HDGFL2: variants seen among roughly 807,000 people sequenced by gnomAD.
HDGFL2 encodes HDGF like 2.
In HDGFL2, 36 loss-of-function variants were observed where a neutral mutation model predicts 77.1. The ratio of observed to expected loss-of-function variants is 0.47; its 90% CI spans 0.36 to 0.62. The LOEUF is 0.62. Ranked by LOEUF, HDGFL2 falls within the 20% of genes least tolerant of loss-of-function variation. The pLI is 0.00. For synonymous variants in HDGFL2, 463 were observed against 413.1 expected (o/e 1.12, Z -1.46); for missense variants, 976 against 973.4 (o/e 1.00, Z -0.04).
Position 4,498,140 on chromosome 19 carries a change from C to T in HDGFL2, c.1402+109C>T, listed in dbSNP as rs1426266975. 5.7e-6 allele frequency: 7 copies of T among 1,236,536 alleles called. No homozygotes were observed. The African/African-American group carries it at 9.0e-5, about 16-fold the overall frequency. 76.6% of individuals were successfully genotyped at this position (1,236,536 alleles called of 1,614,324 possible). ...CTGTCCCTAGAGAGGGTGCTCAGCA[C>T]ATCCTCGGCCGGCCTGGCCGGCGGT... On this transcript the variant is annotated intron_variant, in intron 11 of 15. Transcript: ENST00000616600.
chr19:4,485,966 T>C lies in HDGFL2; in HGVS notation c.289-2710T>C, dbSNP rs566431370. Among the ~76,000 whole-genome samples the C allele has an allele frequency of 3.4e-4, 48 of 142,792 alleles. 2 individuals carry two copies. In the South Asian group the frequency reaches 0.01, roughly 30 times the overall value. The allele number at this position is 142,792 out of a possible 152,430, so 93.7% of individuals were successfully genotyped here. On this transcript the variant is annotated intron_variant, in intron 3 of 15. Transcript: ENST00000616600. The stretch of plus-strand genomic sequence containing the variant: ...TGCTCAGGAGGCTGAGGTGGGAGGA[T>C]CACCTGAGCCCAGGAAGTTGAGGCT...
intron 4 of HDGFL2, among the ~76,000 whole-genome samples, chr19:4,489,197 C>G (rs577838590): frequency 6.2e-4 from 94 of 151,674 alleles, no homozygotes; most frequent in Non-Finnish European, 1.0e-3. Flanking sequence ...AGGTGATCTG[C>G]CTGCCTCGGT....
chr19:4,488,615 C>G, intron 3 of HDGFL2, 61 bp from the exon 4 acceptor site: 2 of 1,450,956 alleles, frequency 1.4e-6, no homozygotes, highest in Non-Finnish European at 1.9e-6. Flanking sequence ...GGTCATAGTC[C>G]TGATGGGGAA....
rs1425884659 is a variant in HDGFL2 at position 4,472,305 on chromosome 19, C to T, written c.-46C>T. ...GCCGCCGCCGCCGCCGCAGCCGCTA[C>T]CGCCGCTGCAGCCGCTTTCCGCGGC... On this transcript the variant is annotated 5_prime_UTR_variant, in exon 1 of 16. Coordinates refer to ENST00000616600, the MANE Select transcript of HDGFL2 (RefSeq NM_001001520.3). 5.7e-6 allele frequency: 8 copies of T among 1,398,548 alleles called. No individual in the cohort carries two copies. The highest frequency in any genetic ancestry group is 6.6e-6 in the Non-Finnish European group (7 of 1,061,632). The allele number at this position is 1,398,548 out of a possible 1,614,324, so 86.6% of individuals were successfully genotyped here.
rs185444679 is a variant in HDGFL2, at chr19:4,487,034, C to T, written c.289-1642C>T. 1.8e-3 allele frequency among the ~76,000 whole-genome samples: 273 copies of T among 150,374 alleles called. 1 individual carries two copies. Among genetic ancestry groups the T allele is most frequent in the African/African-American group, 5.5e-3 (224 of 40,858 alleles). On this transcript the variant is annotated intron_variant, in intron 3 of 15. Coordinates refer to ENST00000616600, the MANE Select transcript of HDGFL2 (RefSeq NM_001001520.3). ...AGGCAGGAGTGCAGTGGTGTGATCTCGGCTCACTGCAACCTCTGCTTCCTG... is the reference window on the plus strand; with the variant it reads ...AGGCAGGAGTGCAGTGGTGTGATCTTGGCTCACTGCAACCTCTGCTTCCTG...
At chr19:4,475,654 T>C (rs2145150442) in intron 3 of HDGFL2, 71 bp downstream of exon 3, 1 of 1,501,254 alleles carries the variant, frequency 6.7e-7, no homozygotes, top group East Asian at 2.3e-5. Context: ...AGTTAGGGTC[T>C]CTCCCCTGGG....
rs376734839 is a variant in HDGFL2 at position 4,498,307 on chromosome 19, G to A, written c.1404G>A (p.Glu468=). Residue 468 remains glutamate (E), a splice_region_variant and synonymous_variant, in exon 12 of 16, where the codon GAG becomes GAA. Coordinates refer to ENST00000616600, the MANE Select transcript of HDGFL2 (RefSeq NM_001001520.3). ...SMDRKVEKKK[E]PSVEEKLQKL... ...ACGGTGCTCTCTCTCCTGGCCCAGAGCCCTCCGTGGAGGAGAAGCTGCAGA... is the reference window on the plus strand; with the variant it reads ...ACGGTGCTCTCTCTCCTGGCCCAGAACCCTCCGTGGAGGAGAAGCTGCAGA... 2.5e-6 allele frequency: 4 copies of A among 1,613,022 alleles called. No homozygotes were observed. Among genetic ancestry groups the A allele is most frequent in the African/African-American group, 1.3e-5 (1 of 74,946 alleles).
rs373693199 is a variant in HDGFL2 at position 4,494,004 on chromosome 19, G to A, written c.861G>A (p.Pro287=). 1.9e-6 allele frequency: 3 copies of A among 1,611,440 alleles called. No individual in the cohort carries two copies. The highest frequency in any genetic ancestry group is 2.5e-6 in the Non-Finnish European group (3 of 1,179,210). ...TAGCGGAGAAGCCTCTCCCGAAGCC[G>A]CGAGGGCGGAAACCGAAGCCTGAAC... is the stretch of plus-strand genomic sequence containing the variant. ...RKPAEKPLPK[P]RGRKPKPERP... Residue 287 remains proline (P), a synonymous_variant, in exon 8 of 16, where the codon CCG becomes CCA. Coordinates refer to ENST00000616600, the MANE Select transcript of HDGFL2 (RefSeq NM_001001520.3).
chr19:4,492,340 C>CTG (rs35666480), intron 6 of HDGFL2, among the ~76,000 whole-genome samples: 7 of 151,284 alleles, frequency 4.6e-5, no homozygotes, highest in African/African-American at 1.5e-4. Flanking sequence ...CATGTCGTGC[C>CTG]TGTGTGTGTG....
chr19:4,501,093 C>T (rs573706734), intron 14 of HDGFL2, 98 bp from the exon 15 acceptor site: 65 of 1,481,498 alleles, frequency 4.4e-5, no homozygotes, highest in African/African-American at 3.7e-4. Context: ...TCACCCACGG[C>T]GCTCAGCTTG....
At chr19:4,490,980 TTTG>T (rs1257537142) in intron 4 of HDGFL2, among the ~76,000 whole-genome samples, 40 of 152,130 alleles carry the variant, frequency 2.6e-4, no homozygotes, top group Non-Finnish European at 2.5e-4. Flanking sequence ...CCCAGCTAAT[TTTG>T]TTTTTCAGTA....
Position 4,496,328 on chromosome 19 carries a change from G to A in HDGFL2, c.1251G>A (p.Gln417=). ...CCAAGAAATCAGCGAAGAAGCCGCA[G>A]TCCTCAAGCACAGAGCCCGCCAGGA... The part of the protein sequence containing the change: ...REAKKSAKKP[Q]SSSTEPARKP... The change falls in exon 10 of 16, where the codon CAG becomes CAA. Residue 417 remains glutamine (Q), a synonymous_variant. Coordinates refer to ENST00000616600, the MANE Select transcript of HDGFL2 (RefSeq NM_001001520.3). 1 of 1,614,194 alleles carries A rather than the reference G, an allele frequency of 6.2e-7. No individual in the cohort carries two copies. Among genetic ancestry groups the A allele is most frequent in the Non-Finnish European group, 8.5e-7 (1 of 1,180,020 alleles).
chr19:4,488,539 C>G (rs1975419391), intron 3 of HDGFL2, 137 bp from the exon 4 acceptor site: 1 of 786,086 alleles, frequency 1.3e-6, no homozygotes, highest in Admixed American at 2.7e-5. Context: ...CTCGGTTTCC[C>G]CATTTGTAAA....
At chr19:4,483,073 T>C (rs914180389) in intron 3 of HDGFL2, among the ~76,000 whole-genome samples, 1 of 152,212 alleles carries the variant, frequency 6.6e-6, no homozygotes, top group Non-Finnish European at 1.5e-5. Context: ...AGAGGCGTGA[T>C]CGAGATTGGC....
intron 3 of HDGFL2, among the ~76,000 whole-genome samples, chr19:4,487,765 G>T (rs2145182844): frequency 6.6e-6 from 1 of 152,276 alleles, no homozygotes; most frequent in Middle Eastern, 3.4e-3. Context: ...CGTTGGCTCA[G>T]TGTGTGACCC....
At chr19:4,481,023 ATTTT>A (rs35117226) in intron 3 of HDGFL2, among the ~76,000 whole-genome samples, 2 of 132,608 alleles carry the variant, frequency 1.5e-5, no homozygotes. Context: ...AACCCGGCTA[ATTTT>A]TTTTTTTTTT....
At chr19:4,479,812 C>T (rs529767752) in intron 3 of HDGFL2, among the ~76,000 whole-genome samples, 2 of 138,604 alleles carry the variant, frequency 1.4e-5, no homozygotes, top group African/African-American at 5.4e-5. Flanking sequence ...AGGCTGAGGC[C>T]GGGGAATCTC....
Position 4,498,922 on chromosome 19 carries a change from CGGG to C in HDGFL2, c.1575+10_1575+12del, listed in dbSNP as rs1568217826. 2.5e-6 allele frequency: 4 copies of C among 1,588,638 alleles called. No homozygotes were observed. Among genetic ancestry groups the C allele is most frequent in the Non-Finnish European group, 3.4e-6 (4 of 1,163,372 alleles). On this transcript the variant is annotated splice_region_variant and intron_variant, in intron 13 of 15. Transcript: ENST00000616600. ...GGTGGCCACCTTGAAGAAGGTATGG[CGGG>C]GGAATCAGAGGCGCAGGGTGCAGTC...
At chr19:4,496,880 T>C in intron 10 of HDGFL2, 1 of 407,582 alleles carries the variant, frequency 2.5e-6, no homozygotes, top group Non-Finnish European at 4.8e-6. Context: ...TTTTTTTTTT[T>C]TTTTTGAGAT....
Sources: allele counts gnomAD v4.1 joint callset (sites outside exome capture counted in the v4.1 genomes callset), GRCh38; gene constraint gnomAD v4.1.1; transcripts MANE v1.5; gene names NCBI Gene and HGNC (gene_info 2026-07-23, HGNC 2026-07-21).